Variants in AFAP1L1 observed in about 807,000 individuals in gnomAD.
AFAP1L1 encodes the protein actin filament-associated protein 1-like 1.
In AFAP1L1, 77 loss-of-function variants were observed where a neutral mutation model predicts 99.8. The ratio of observed to expected loss-of-function variants is 0.77; its 90% CI spans 0.64 to 0.93. AFAP1L1 has a LOEUF of 0.93. AFAP1L1 is among the 40% of genes least tolerant of loss of function. The pLI is 0.00. For synonymous variants in AFAP1L1, 373 were observed against 395.3 expected (o/e 0.94, Z 0.67); for missense variants, 893 against 996.8 (o/e 0.90, Z 1.40).
Position 149,320,700 on chromosome 5 carries a change from T to G in AFAP1L1, c.1698+237T>G, listed in dbSNP as rs1219219673. Among the ~76,000 whole-genome samples the G allele has an allele frequency of 1.3e-5, 2 of 152,182 alleles. No individual in the cohort carries two copies. The highest frequency in any genetic ancestry group is 2.9e-5 in the Non-Finnish European group (2 of 68,042). On this transcript the variant is annotated intron_variant, in intron 14 of 18. Transcript: ENST00000296721. The surrounding 1 kb of genome is among the most constrained non-coding windows in gnomAD (Gnocchi z 4.0). ...GGGAGGAAGAAAGGGCTGTGCAGAC[T>G]CCCAAACACTACCAAAAGGTGAGGC...
At chr5:149,326,584 TTA>T (rs1386901908) in intron 15 of AFAP1L1, among the ~76,000 whole-genome samples, 6 of 149,648 alleles carry the variant, frequency 4.0e-5, no homozygotes, top group Non-Finnish European at 8.9e-5. Flanking sequence ...ATATATATAT[TTA>T]AAAAGAAATT....
chr5:149,321,722 CAAAAAAAAAAAAAA>C (rs57366142), intron 14 of AFAP1L1, among the ~76,000 whole-genome samples: 3 of 63,768 alleles, frequency 4.7e-5, no homozygotes, highest in African/African-American at 1.8e-4. Flanking sequence ...GACTCTGTCT[CAAAAAAAAAAAAAA>C]AAAAAAAAAA....
chr5:149,291,420 G>A (rs1659096), intron 1 of AFAP1L1, among the ~76,000 whole-genome samples: 3 of 149,606 alleles, frequency 2.0e-5, no homozygotes, highest in Non-Finnish European at 4.4e-5. Context: ...CCAGCTACTC[G>A]GAGGCTGAGG....
chr5:149,281,144 T>TG (rs1200331011), intron 1 of AFAP1L1, among the ~76,000 whole-genome samples: 2 of 151,944 alleles, frequency 1.3e-5, no homozygotes, highest in Non-Finnish European at 2.9e-5. Context: ...TCATTCACGG[T>TG]GGGGGGGTTG....
intron 5 of AFAP1L1, among the ~76,000 whole-genome samples, chr5:149,303,448 C>T (rs190732871): frequency 9.9e-5 from 15 of 152,270 alleles, no homozygotes; most frequent in African/African-American, 3.4e-4. Flanking sequence ...AAACTACATC[C>T]TAATGTTTGG....
intron 15 of AFAP1L1, among the ~76,000 whole-genome samples, chr5:149,326,709 G>A (rs2127602086): frequency 6.6e-6 from 1 of 152,182 alleles, no homozygotes; most frequent in African/African-American, 2.4e-5. Context: ...AGTAATTGAT[G>A]CATTGTCAAA....
chr5:149,312,816 G>A (rs1004382658), intron 9 of AFAP1L1, among the ~76,000 whole-genome samples: 1 of 150,910 alleles, frequency 6.6e-6, no homozygotes, highest in Non-Finnish European at 1.5e-5. Context: ...GAGAGAGAGA[G>A]AAAGAAAGAA....
chr5:149,302,540 C>G lies in AFAP1L1; in HGVS notation c.436+14C>G. The G allele has an allele frequency of 1.9e-6, 3 of 1,562,824 alleles. No homozygotes were observed. The highest frequency in any genetic ancestry group is 2.6e-6 in the Non-Finnish European group (3 of 1,152,350). On this transcript the variant is annotated intron_variant, in intron 5 of 18. Transcript: ENST00000296721. ...TCAGCTCCCACAGTAAGTTCTGGTC[C>G]TCTTGGTGGGGCTGGGGACTTCCTG...
chr5:149,291,673 C>T (rs566488673), intron 1 of AFAP1L1, among the ~76,000 whole-genome samples: 19 of 152,090 alleles, frequency 1.2e-4, no homozygotes, highest in African/African-American at 4.1e-4. Flanking sequence ...CTTTCCAGGG[C>T]GACTTGCCTC....
At chr5:149,329,944 T>A (rs2127603324) in intron 16 of AFAP1L1, 114 bp downstream of exon 16, 1 of 953,332 alleles carries the variant, frequency 1.0e-6, no homozygotes, top group East Asian at 3.1e-5. Context: ...AGAAGTGGGC[T>A]TCTCCTCCCC....
In AFAP1L1 at chr5:149,271,884, C is replaced by A. The variant is rs1324135051; in HGVS notation, c.-85C>A. On this transcript the variant is annotated 5_prime_UTR_variant, in exon 1 of 19. The change creates a new upstream start codon in the 5' untranslated region. Transcript: ENST00000296721. ...AGAGAGCGCCGGCCGCTGGGCTGGCCTGAGAGCGCAGCGCGCCGGCCGCTA... is the reference window on the plus strand; with the variant it reads ...AGAGAGCGCCGGCCGCTGGGCTGGCATGAGAGCGCAGCGCGCCGGCCGCTA... 9.3e-7 allele frequency: 1 copy of A among 1,078,946 alleles called. No individual in the cohort carries two copies. The highest frequency in any genetic ancestry group is 1.2e-6 in the Non-Finnish European group (1 of 861,104). The allele number at this position is 1,078,946 out of a possible 1,614,324, so 66.8% of individuals were successfully genotyped here.
Position 149,319,623 on chromosome 5 carries a change from G to C in AFAP1L1, c.1521G>C (p.Leu507=). 1 of 1,613,480 alleles carries C rather than the reference G, an allele frequency of 6.2e-7. No individual in the cohort carries two copies. Residue 507 remains leucine, a synonymous_variant, in exon 13 of 19, where the codon CTG becomes CTC. Transcript: ENST00000296721. The part of the protein sequence containing the change: ...SEDMGRWLGL[L]LVEMGSRVTP... ...ACATGGGTCGCTGGCTCGGGCTGCT[G>C]CTGGTGGAGATGGGCTCCAGAGTCA...
intron 1 of AFAP1L1, among the ~76,000 whole-genome samples, chr5:149,272,961 T>TCG (rs1561655180): frequency 6.6e-6 from 1 of 152,016 alleles, no homozygotes; most frequent in Non-Finnish European, 1.5e-5. Flanking sequence ...CCCCGGCCTC[T>TCG]CAAAGTGCTG....
intron 1 of AFAP1L1, among the ~76,000 whole-genome samples, chr5:149,282,248 C>A (rs1352999484): frequency 6.6e-6 from 1 of 152,170 alleles, no homozygotes; most frequent in Non-Finnish European, 1.5e-5. Context: ...TCACAGGAGG[C>A]AAGCTTGGGG....
chr5:149,302,556 G>A (rs1756262760), intron 5 of AFAP1L1, 30 bp downstream of exon 5: 4 of 1,541,348 alleles, frequency 2.6e-6, no homozygotes, highest in African/African-American at 2.7e-5. Context: ...GTGGGGCTGG[G>A]GACTTCCTGT....
At position 149,305,878 on chromosome 5, in the gene AFAP1L1, CCACACACACA is replaced by C. The variant is rs56036411; in HGVS notation, c.437-394_437-385del. 5.4e-3 allele frequency among the ~76,000 whole-genome samples: 765 copies of C among 142,552 alleles called. 8 individuals carry two copies. The highest frequency in any genetic ancestry group is 0.011 in the African/African-American group (434 of 38,114). The allele number at this position is 142,552 out of a possible 152,430, so 93.5% of individuals were successfully genotyped here. On this transcript the variant is annotated intron_variant, in intron 5 of 18. Transcript: ENST00000296721. Reference sequence around the variant, plus strand: ...AAAAATCAGAGCTGCGACCAACACACCACACACACACACACACACACACACACACACACAC... The same window carrying C: ...AAAAATCAGAGCTGCGACCAACACACCACACACACACACACACACACACAC...
chr5:149,302,131 G>C (rs1036576729), intron 4 of AFAP1L1, among the ~76,000 whole-genome samples: 4 of 152,230 alleles, frequency 2.6e-5, no homozygotes, highest in Admixed American at 6.5e-5. Context: ...ACTCACAGTA[G>C]CTTCTGGTAA....
At position 149,320,767 on chromosome 5, in the gene AFAP1L1, T is replaced by C. The variant is rs1260153376; in HGVS notation, c.1698+304T>C. On this transcript the variant is annotated intron_variant, in intron 14 of 18. Coordinates refer to ENST00000296721, the MANE Select transcript of AFAP1L1 (RefSeq NM_152406.4). This position sits in a 1 kb window ranked among gnomAD's most constrained non-coding sequence, Gnocchi z 4.0. ...GCAAGTTGCTGGGGCCCTCCTCCTG[T>C]TTACCACTCTGTGAACTTATCCTGC... Among the ~76,000 whole-genome samples, 1 of 152,184 alleles carries C rather than the reference T, an allele frequency of 6.6e-6. No individual in the cohort carries two copies. Among genetic ancestry groups the C allele is most frequent in the African/African-American group, 2.4e-5 (1 of 41,448 alleles).
Position 149,309,873 on chromosome 5 carries a change from T to G in AFAP1L1, c.748-83T>G, listed in dbSNP as rs553007892. 2.2e-4 allele frequency: 342 copies of G among 1,580,296 alleles called. 2 individuals carry two copies. The South Asian group carries it at 3.6e-3, about 17-fold the overall frequency. On this transcript the variant is annotated intron_variant, in intron 7 of 18. Coordinates refer to ENST00000296721, the MANE Select transcript of AFAP1L1 (RefSeq NM_152406.4). ...GGAGGTCTCTAAAGGGAGGTCGGGC[T>G]TCCCCCGAGCCTTTGTGTGAGGATG...
Sources: gnomAD v4.1 joint callset for allele counts (sites outside exome capture counted in the v4.1 genomes callset) on GRCh38, gnomAD v4.1.1 for gene constraint, Gnocchi (gnomAD v3.1) non-coding constraint, MANE v1.5 for transcripts, NCBI Gene and HGNC (gene_info 2026-07-23, HGNC 2026-07-21) for gene names.